Variants in ATIC observed in about 807,000 individuals in gnomAD.
ATIC encodes 5-aminoimidazole-4-carboxamide ribonucleotide formyltransferase/IMP cyclohydrolase.
A neutral mutation model predicts 72.5 loss-of-function variants in ATIC; 64 were observed. The ratio of observed to expected loss-of-function variants is 0.88; its 90% CI spans 0.72 to 1.09. ATIC has a LOEUF of 1.09. Among genes scored for constraint, ATIC ranks in the 50% least tolerant of loss-of-function variants. ATIC has a pLI of 0.00. For missense variants in ATIC, 787 were observed against 732.4 expected (o/e 1.07, Z -0.86); for synonymous variants, 281 against 267.1 (o/e 1.05, Z -0.51).
intron 11 of ATIC, among the ~76,000 whole-genome samples, chr2:215,338,060 G>T (rs1223692931): frequency 1.3e-5 from 2 of 152,134 alleles, no homozygotes; most frequent in Non-Finnish European, 2.9e-5. Flanking sequence ...TATTTACGGG[G>T]TCTTGCTTAT....
downstream of ATIC, among the ~76,000 whole-genome samples, chr2:215,351,371 CAGT>C (rs1336561975): frequency 6.6e-6 from 1 of 152,190 alleles, no homozygotes; most frequent in Non-Finnish European, 1.5e-5. Flanking sequence ...AATTATGTAG[CAGT>C]AAATAGCTAA....
intron 3 of ATIC, 38 bp downstream of exon 3, chr2:215,318,271 G>C: frequency 6.4e-7 from 1 of 1,567,130 alleles, no homozygotes; most frequent in Non-Finnish European, 8.8e-7. Flanking sequence ...AACAGTCAGT[G>C]GTTTCCAGGA....
At chr2:215,344,716 G>T in intron 12 of ATIC, 63 bp from the exon 13 acceptor site, 1 of 1,476,326 alleles carries the variant, frequency 6.8e-7, no homozygotes, top group East Asian at 2.3e-5. Flanking sequence ...TTTAAAAAAA[G>T]AAGCTTAAAG....
intron 2 of ATIC, among the ~76,000 whole-genome samples, chr2:215,314,045 G>C (rs1034726283): frequency 6.6e-6 from 1 of 152,216 alleles, no homozygotes; most frequent in East Asian, 1.9e-4. Flanking sequence ...ACAATCAAAA[G>C]TAGAAAAGTA....
chr2:215,332,666 T>TAC (rs553998884), intron 8 of ATIC, among the ~76,000 whole-genome samples, 159 bp downstream of exon 8: 163 of 151,832 alleles, frequency 1.1e-3, no homozygotes, highest in Non-Finnish European at 1.7e-3. Flanking sequence ...TAAAATCTGA[T>TAC]ACACACACAC....
chr2:215,312,244 C>T (rs1415463229), intron 1 of ATIC, 83 bp downstream of exon 1: 2 of 1,453,886 alleles, frequency 1.4e-6, no homozygotes, highest in Non-Finnish European at 1.8e-6. Flanking sequence ...CGGCGGGACC[C>T]GGCACTGCAG....
At chr2:215,312,219 C>G in intron 1 of ATIC, 58 bp downstream of exon 1, 1 of 1,463,376 alleles carries the variant, frequency 6.8e-7, no homozygotes, top group Non-Finnish European at 8.9e-7. Flanking sequence ...CCCACGCTCC[C>G]GCCTTGGCGG....
rs1320118810 is a variant in ATIC, at chr2:215,326,031, G to A, written c.424G>A (p.Val142Met). The change falls in exon 6 of 16, where the codon GTG becomes ATG. Residue 142 changes from valine (V) to methionine (M), a missense_variant. Coordinates refer to ENST00000236959, the MANE Select transcript of ATIC (RefSeq NM_004044.7). ...AGCTGCAGCCAAAAACCACGCTCGAGTGACAGTGGTGTGTGAACCAGAGGA... is the reference window on the plus strand; with the variant it reads ...AGCTGCAGCCAAAAACCACGCTCGAATGACAGTGGTGTGTGAACCAGAGGA... The part of the protein sequence containing the change: ...LRAAAKNHAR[V>M]TVVCEPEDYV... 1.9e-6 allele frequency: 3 copies of A among 1,614,088 alleles called. No homozygotes were observed. The highest frequency in any genetic ancestry group is 1.7e-6 in the Non-Finnish European group (2 of 1,180,036).
intron 10 of ATIC, among the ~76,000 whole-genome samples, chr2:215,335,572 C>T (rs2052945370): frequency 6.6e-6 from 1 of 152,190 alleles, no homozygotes; most frequent in South Asian, 2.1e-4. Context: ...CCACTGCCAT[C>T]CCTGGGTTAC....
At chr2:215,314,105 A>G (rs1259023844) in intron 2 of ATIC, among the ~76,000 whole-genome samples, 1 of 152,166 alleles carries the variant, frequency 6.6e-6, no homozygotes, top group East Asian at 1.9e-4. Context: ...GTACTTATCA[A>G]CTGATTAGTC....
chr2:215,344,693 A>T, intron 12 of ATIC, 86 bp from the exon 13 acceptor site: 1 of 1,350,384 alleles, frequency 7.4e-7, no homozygotes, highest in Non-Finnish European at 1.0e-6. Flanking sequence ...CAAAAAAACC[A>T]CAAAAAATAA....
the ATIC span, among the ~76,000 whole-genome samples, chr2:215,359,390 G>A: frequency 1.3e-5 from 2 of 152,132 alleles, no homozygotes; most frequent in African/African-American, 4.8e-5. Flanking sequence ...GTGTCTCAGG[G>A]GGTTGTCCCT....
At chr2:215,364,658 A>T in the ATIC span, 4 of 594,444 alleles carry the variant, frequency 6.7e-6, no homozygotes, top group East Asian at 1.1e-4. Flanking sequence ...CATGCCATTC[A>T]TTCATTCTTT....
rs77981148 is a variant in ATIC, at chr2:215,318,884, C to T, written c.223+651C>T. On this transcript the variant is annotated intron_variant, in intron 3 of 15. Transcript: ENST00000236959. Reference sequence around the variant, plus strand: ...GAAAAAGATTTTTAAATATATCTCTCTTTTTTTTTTTTGAGACAGGATTAT... The same window carrying T: ...GAAAAAGATTTTTAAATATATCTCTTTTTTTTTTTTTTGAGACAGGATTAT... Among the ~76,000 whole-genome samples, 594 of 145,424 alleles carry T rather than the reference C, an allele frequency of 4.1e-3. 5 individuals carry two copies. The highest frequency in any genetic ancestry group is 0.014 in the African/African-American group (539 of 39,572).
intron 12 of ATIC, among the ~76,000 whole-genome samples, chr2:215,341,419 C>T (rs946943551): frequency 2.0e-5 from 3 of 152,136 alleles, no homozygotes; most frequent in Non-Finnish European, 4.4e-5. Flanking sequence ...TTTTGTGCCT[C>T]TGGATATTTT....
At position 215,317,409 on chromosome 2, in the gene ATIC, C is replaced by G. The variant is rs542173442; in HGVS notation, c.147-748C>G. Among the ~76,000 whole-genome samples, 15 of 152,174 alleles carry G rather than the reference C, an allele frequency of 9.9e-5. No homozygotes were observed. The East Asian group carries it at 2.9e-3, about 29-fold the overall frequency. On this transcript the variant is annotated intron_variant, in intron 2 of 15. Coordinates refer to ENST00000236959, the MANE Select transcript of ATIC (RefSeq NM_004044.7). ...GAATATATTTTTGTTTGGGTTTAAC[C>G]CGTTATTCCAATAGCAACACCACTT... is the stretch of plus-strand genomic sequence containing the variant.
intron 7 of ATIC, among the ~76,000 whole-genome samples, chr2:215,328,943 C>G (rs1197091916): frequency 1.3e-5 from 2 of 152,156 alleles, no homozygotes; most frequent in Admixed American, 1.3e-4. Context: ...TTTTGAACTC[C>G]TGACCTCAGG....
chr2:215,351,583 C>CT (rs566647185), downstream of ATIC, among the ~76,000 whole-genome samples: 1,224 of 152,158 alleles, frequency 8.0e-3, 10 homozygotes, highest in Admixed American at 0.016. Context: ...ATCCTCATCT[C>CT]TAAAAAAAGA....
At chr2:215,344,248 T>C (rs1432613830) in intron 12 of ATIC, among the ~76,000 whole-genome samples, 1 of 152,230 alleles carries the variant, frequency 6.6e-6, no homozygotes, top group African/African-American at 2.4e-5. Flanking sequence ...TGAGTTTGTG[T>C]CTATGGATGC....
Sources: gnomAD v4.1 joint callset for allele counts (sites outside exome capture counted in the v4.1 genomes callset) on GRCh38, gnomAD v4.1.1 for gene constraint, MANE v1.5 for transcripts, NCBI Gene and HGNC (gene_info 2026-07-23, HGNC 2026-07-21) for gene names.